ZBTB38: variants seen among roughly 807,000 people sequenced by gnomAD.
ZBTB38 encodes zinc finger and BTB domain-containing protein 38.
ZBTB38 carries 20 observed loss-of-function variants against 76.8 expected under a neutral mutation model. That is an observed-to-expected ratio of 0.26 (90% CI 0.18 to 0.38). ZBTB38 has a LOEUF of 0.38. Among genes scored for constraint, ZBTB38 ranks in the 10% least tolerant of loss-of-function variants. The probability of loss-of-function intolerance (pLI) is 1.00; values close to 1 mark genes in which losing one functional copy is unlikely to be tolerated. For missense variants in ZBTB38, 1,082 were observed against 1,482.3 expected (o/e 0.73, Z 4.43); for synonymous variants, 504 against 544.2 (o/e 0.93, Z 1.03).
chr3:141,331,710 T>C (rs1942858297), intron 1 of ZBTB38, among the ~76,000 whole-genome samples: 1 of 152,194 alleles, frequency 6.6e-6, no homozygotes, highest in South Asian at 2.1e-4. Flanking sequence ...AGGCTGAGCC[T>C]GAGGCTGGGA....
chr3:141,439,203 C>T (rs913941409), intron 5 of ZBTB38, among the ~76,000 whole-genome samples: 2 of 152,166 alleles, frequency 1.3e-5, no homozygotes, highest in Non-Finnish European at 2.9e-5. Flanking sequence ...TTGCCTTCCT[C>T]CTGTTCATAT....
chr3:141,372,188 C>T (rs1220245425), intron 2 of ZBTB38, among the ~76,000 whole-genome samples: 1 of 152,180 alleles, frequency 6.6e-6, no homozygotes, highest in African/African-American at 2.4e-5. Flanking sequence ...TAGCCTCTGC[C>T]CAGTCCCCTT....
chr3:141,443,045 C>T lies in ZBTB38; in HGVS notation c.657C>T (p.Ala219=), dbSNP rs377535265. Reference sequence around the variant, plus strand: ...AGGCAGAGCCTGTCCGCACACTTGCCGAGCACTCATACGCTGTTTCTTCCG... The same window carrying T: ...AGGCAGAGCCTGTCCGCACACTTGCTGAGCACTCATACGCTGTTTCTTCCG... ...CHEAEPVRTL[A]EHSYAVSSVA... The change falls in exon 6 of 6, where the codon GCC becomes GCT. Residue 219 remains alanine, a synonymous_variant. Transcript: ENST00000321464. The surrounding 1 kb of genome is among the most constrained non-coding windows in gnomAD (Gnocchi z 5.6). 1.4e-4 allele frequency: 220 copies of T among 1,614,226 alleles called. No homozygotes were observed. In the South Asian group the frequency reaches 1.6e-3, roughly 12 times the overall value.
chr3:141,439,344 T>G (rs2150853700), intron 5 of ZBTB38, among the ~76,000 whole-genome samples: 1 of 152,376 alleles, frequency 6.6e-6, no homozygotes. Flanking sequence ...TTAAAGGCTT[T>G]CTGACACACA....
upstream of ZBTB38, among the ~76,000 whole-genome samples, chr3:141,365,846 A>C (rs1460511579): frequency 6.6e-6 from 1 of 152,220 alleles, no homozygotes; most frequent in Non-Finnish European, 1.5e-5. Context: ...AACCCATTGA[A>C]TTGTACACTT....
At chr3:141,395,708 A>G (rs146340492) in intron 4 of ZBTB38, among the ~76,000 whole-genome samples, 74 of 152,318 alleles carry the variant, frequency 4.9e-4, no homozygotes, top group African/African-American at 1.7e-3. Context: ...TCTGCATTTC[A>G]TATAATTTTC....
chr3:141,340,949 G>GGAAAGGAAGAAAGAAA (rs1943166999), intron 1 of ZBTB38, among the ~76,000 whole-genome samples: 1 of 111,928 alleles, frequency 8.9e-6, no homozygotes, highest in South Asian at 3.4e-4. Flanking sequence ...AAAGAAAGAA[G>GGAAAGGAAGAAAGAAA]GAAAGAAAGA....
intron 1 of ZBTB38, among the ~76,000 whole-genome samples, chr3:141,344,981 A>G (rs1943304639): frequency 6.6e-6 from 1 of 152,186 alleles, no homozygotes; most frequent in African/African-American, 2.4e-5. Context: ...TGTTAATCCT[A>G]GGGAAGAAAT....
chr3:141,444,363 G>T lies in ZBTB38; in HGVS notation c.1975G>T (p.Ala659Ser). Residue 659 changes from alanine (A) to serine (S), a missense_variant, in exon 6 of 6, where the codon GCA (alanine) becomes TCA (serine). By Grantham distance (99) the Ala-to-Ser change is moderately conservative. Coordinates refer to ENST00000321464, the MANE Select transcript of ZBTB38 (RefSeq NM_001376113.1). The surrounding 1 kb of genome is among the most constrained non-coding windows in gnomAD (Gnocchi z 5.1). ...AGAGGGTACCAAATGGGGAGAGGAG[G>T]CATTGAAAATGGATCTTGACAATAA... is the stretch of plus-strand genomic sequence containing the variant. ...NAEGTKWGEEALKMDLDNNFY... is the reference protein window; with the variant it reads ...NAEGTKWGEESLKMDLDNNFY... 2 of 1,614,156 alleles carry T rather than the reference G, an allele frequency of 1.2e-6. No individual in the cohort carries two copies. Among genetic ancestry groups the T allele is most frequent in the South Asian group, 2.2e-5 (2 of 91,090 alleles).
At chr3:141,340,335 G>C (rs1943135726) in intron 1 of ZBTB38, among the ~76,000 whole-genome samples, 1 of 152,100 alleles carries the variant, frequency 6.6e-6, no homozygotes, top group Admixed American at 6.6e-5. Flanking sequence ...TAGTAAAAAA[G>C]ATAATTAGAG....
chr3:141,373,369 T>A (rs1944912923), intron 2 of ZBTB38, among the ~76,000 whole-genome samples: 1 of 152,230 alleles, frequency 6.6e-6, no homozygotes, highest in Non-Finnish European at 1.5e-5. Context: ...AGCCTGGCCT[T>A]GTTGAGCCAT....
rs544163159 is a variant in ZBTB38 at position 141,446,970 on chromosome 3, T to C, written c.*994T>C. ...ACAAGGCCATGGATGTGGGGGTCTA[T>C]TCCAGACAGACTTAAGGGCTCAAGT... On this transcript the variant is annotated 3_prime_UTR_variant, in exon 6 of 6. Transcript: ENST00000321464. 92 of 152,814 alleles carry C rather than the reference T, an allele frequency of 6.0e-4. No homozygotes were observed. The highest frequency in any genetic ancestry group is 2.2e-3 in the African/African-American group (90 of 41,582). 9.5% of individuals were successfully genotyped at this position (152,814 alleles called of 1,614,324 possible). A position where few individuals can be genotyped will look rare whatever the true frequency, so the allele number is the denominator to read the frequency against.
intron 1 of ZBTB38, among the ~76,000 whole-genome samples, chr3:141,354,359 A>C (rs1943602656): frequency 6.6e-6 from 1 of 152,060 alleles, no homozygotes. Context: ...TTTCCAGGCC[A>C]CACTCCATGC....
At chr3:141,348,240 A>C (rs1943420770) in intron 1 of ZBTB38, among the ~76,000 whole-genome samples, 1 of 152,240 alleles carries the variant, frequency 6.6e-6, no homozygotes, top group Admixed American at 6.5e-5. Context: ...ATGTAATGGA[A>C]ATGATAAATC....
chr3:141,326,675 T>C (rs1942683451), intron 1 of ZBTB38, among the ~76,000 whole-genome samples: 1 of 152,178 alleles, frequency 6.6e-6, no homozygotes, highest in South Asian at 2.1e-4. Flanking sequence ...TCTGATCATG[T>C]TGTGTTTTTT....
In ZBTB38 at chr3:141,420,442, G is replaced by C. The variant is rs180737813; in HGVS notation, c.-1+16411G>C. On this transcript the variant is annotated intron_variant, in intron 5 of 5. Transcript: ENST00000321464. ...ATTCCCAACAATTCTGCTCCCAGGAGCTCTGAAACTTTCTGGATCTGAGTT... is the reference window on the plus strand; with the variant it reads ...ATTCCCAACAATTCTGCTCCCAGGACCTCTGAAACTTTCTGGATCTGAGTT... 5.3e-5 allele frequency among the ~76,000 whole-genome samples: 8 copies of C among 152,298 alleles called. No individual in the cohort carries two copies. In the East Asian group the frequency reaches 1.5e-3, roughly 29 times the overall value.
intron 1 of ZBTB38, among the ~76,000 whole-genome samples, chr3:141,325,265 TTTAA>T (rs1421999485): frequency 1.3e-5 from 2 of 152,232 alleles, no homozygotes; most frequent in African/African-American, 4.8e-5. Context: ...CTCAAAAATA[TTTAA>T]TTGTGTGTCA....
chr3:141,438,816 CA>C (rs951093698), intron 5 of ZBTB38, among the ~76,000 whole-genome samples: 7 of 152,024 alleles, frequency 4.6e-5, no homozygotes, highest in Non-Finnish European at 8.8e-5. Flanking sequence ...CCTTCTTTCC[CA>C]AGCTCTCTCA....
Position 141,445,006 on chromosome 3 carries a change from A to C in ZBTB38, c.2618A>C (p.Glu873Ala), listed in dbSNP as rs1311940566. Residue 873 changes from glutamate to alanine, a missense_variant, in exon 6 of 6, where the codon GAG becomes GCG. This residue lies in a region of ZBTB38 where 471 missense variants were observed against 581.0 expected (regional missense o/e 0.81). Transcript: ENST00000321464. This position sits in a 1 kb window ranked among gnomAD's most constrained non-coding sequence, Gnocchi z 6.5. ...GRRPKYQMQE[E>A]PLPQGNDPEP... is the part of the protein sequence containing the mutation. ...AGACCCAAGTATCAGATGCAGGAGG[A>C]GCCTTTGCCACAGGGGAATGACCCA... 6.2e-7 allele frequency: 1 copy of C among 1,614,190 alleles called. No homozygotes were observed.
Sources: gnomAD v4.1 joint callset for allele counts (sites outside exome capture counted in the v4.1 genomes callset) on GRCh38, gnomAD v4.1.1 for gene constraint, gnomAD v4.1.1 regional missense constraint, Gnocchi (gnomAD v3.1) non-coding constraint, MANE v1.5 for transcripts, NCBI Gene and HGNC (gene_info 2026-07-23, HGNC 2026-07-21) for gene names.